Variants in FNDC3A observed in about 807,000 individuals in gnomAD.
The protein encoded by FNDC3A is fibronectin type-III domain-containing protein 3A.
A neutral mutation model predicts 148.9 loss-of-function variants in FNDC3A; 32 were observed. The ratio of observed to expected loss-of-function variants is 0.21; its 90% confidence interval spans 0.16 to 0.29. The LOEUF is 0.29. FNDC3A is among the 10% of genes least tolerant of loss of function. The pLI, the probability that FNDC3A is intolerant of heterozygous loss-of-function variation, is 1.00. For missense variants in FNDC3A, 1,191 were observed against 1,452.8 expected, an observed-to-expected ratio of 0.82 and a Z score of 2.93; for synonymous variants, 472 against 473.6, an observed-to-expected ratio of 1.00 and a Z score of 0.04.
intron 3 of FNDC3A, among the ~76,000 whole-genome samples, chr13:49,096,462 T>G (rs966614606): frequency 1.3e-5 from 2 of 152,168 alleles, no homozygotes; most frequent in African/African-American, 4.8e-5. Flanking sequence ...ATGTAATCCT[T>G]CGATATTTTT....
At chr13:48,991,656 C>G (rs1258728944) in intron 1 of FNDC3A, among the ~76,000 whole-genome samples, 2 of 151,608 alleles carry the variant, frequency 1.3e-5, no homozygotes, top group Non-Finnish European at 2.9e-5. Context: ...CCACTGCACT[C>G]CAGCCTGAGT....
At chr13:49,089,786 A>G (rs1879063869) in intron 3 of FNDC3A, among the ~76,000 whole-genome samples, 1 of 152,358 alleles carries the variant, frequency 6.6e-6, no homozygotes, top group South Asian at 2.1e-4. Context: ...GAAGCCAGTT[A>G]CACCATACCC....
rs527594811 is a variant in FNDC3A, at chr13:49,137,691, A to T, written c.761-1056A>T. ...TACTTGAATCAATCTCTATAAGGTA[A>T]AATATAGCTGGGTTAACAGCCTGTC... On this transcript the variant is annotated intron_variant, in intron 6 of 25. Coordinates refer to ENST00000492622, the MANE Select transcript of FNDC3A (RefSeq NM_001079673.2). Among the ~76,000 whole-genome samples, 67 of 152,268 alleles carry T rather than the reference A, an allele frequency of 4.4e-4. No homozygotes were observed. In the South Asian group the frequency reaches 0.014, roughly 32 times the overall value.
chr13:49,164,283 G>T (rs1456127279), intron 8 of FNDC3A, among the ~76,000 whole-genome samples: 3 of 152,170 alleles, frequency 2.0e-5, no homozygotes, highest in Non-Finnish European at 4.4e-5. Flanking sequence ...TCTTACAGGT[G>T]ACTAGATGCT....
chr13:49,209,729 ATATT>A lies in FNDC3A; in HGVS notation c.*2339_*2342del, dbSNP rs1169224590. 1.3e-5 allele frequency: 2 copies of A among 152,236 alleles called. No homozygotes were observed. The highest frequency in any genetic ancestry group is 4.8e-5 in the African/African-American group (2 of 41,448). 9.4% of individuals were successfully genotyped at this position (152,236 alleles called of 1,614,324 possible). A position where few individuals can be genotyped will look rare whatever the true frequency, so the allele number is the denominator to read the frequency against. On this transcript the variant is annotated 3_prime_UTR_variant, in exon 26 of 26. Transcript: ENST00000492622. ...ATAAATCTTCAACATGAGAGGATGT[ATATT>A]TATTATATAAAGCCCAGTAAAGAAT...
intron 2 of FNDC3A, among the ~76,000 whole-genome samples, chr13:49,032,666 G>T (rs1432356204): frequency 6.6e-6 from 1 of 152,130 alleles, no homozygotes; most frequent in East Asian, 1.9e-4. Context: ...AACCCGGGAG[G>T]CGGAGCTTGC....
chr13:49,186,605 C>T (rs745784002), intron 15 of FNDC3A, among the ~76,000 whole-genome samples: 6 of 152,138 alleles, frequency 3.9e-5, no homozygotes, highest in East Asian at 3.8e-4. Flanking sequence ...TGGTGGCTTA[C>T]GCCTGTAATC....
rs546625993 is a variant in FNDC3A, at chr13:48,999,907, A to G, written c.-39-6245A>G. Among the ~76,000 whole-genome samples the G allele has an allele frequency of 4.6e-5, 7 of 152,292 alleles. No homozygotes were observed. The South Asian group carries it at 1.4e-3, about 32-fold the overall frequency. On this transcript the variant is annotated intron_variant, in intron 1 of 25. Coordinates refer to ENST00000492622, the MANE Select transcript of FNDC3A (RefSeq NM_001079673.2). The stretch of plus-strand genomic sequence containing the variant: ...AAATTTGCCAGCATCTGGATCTTAA[A>G]CTTCCCAGCCTCCAGAAGTGTGACA...
chr13:49,204,261 AAG>A (rs1191080445), intron 25 of FNDC3A, among the ~76,000 whole-genome samples: 20 of 152,220 alleles, frequency 1.3e-4, no homozygotes, highest in Non-Finnish European at 2.8e-4. Context: ...AACTTTTAAA[AAG>A]AATAAGCTTT....
chr13:49,047,501 A>C (rs1875508495), intron 2 of FNDC3A, among the ~76,000 whole-genome samples: 1 of 152,108 alleles, frequency 6.6e-6, no homozygotes, highest in Admixed American at 6.6e-5. Context: ...TGCTGGAGTC[A>C]GTTGGTATTG....
intron 25 of FNDC3A, 74 bp from the exon 26 acceptor site, chr13:49,207,007 A>G: frequency 9.4e-7 from 1 of 1,064,804 alleles, no homozygotes; most frequent in Non-Finnish European, 1.4e-6. Context: ...AAACAATTCT[A>G]ACACTAGCCA....
intron 3 of FNDC3A, among the ~76,000 whole-genome samples, chr13:49,099,237 C>T (rs561597486): frequency 1.3e-5 from 2 of 152,220 alleles, no homozygotes; most frequent in African/African-American, 2.4e-5. Context: ...CAGCTTCCAC[C>T]TTGATCTCTA....
chr13:49,197,949 CTTTG>C (rs1886234957), intron 21 of FNDC3A, 29 bp from the exon 22 acceptor site: 2 of 1,597,990 alleles, frequency 1.3e-6, no homozygotes, highest in Non-Finnish European at 1.7e-6. Flanking sequence ...ATGGTCATGA[CTTTG>C]TTAACTCGGA....
chr13:49,168,769 G>C lies in FNDC3A; in HGVS notation c.1176+18G>C. The C allele has an allele frequency of 6.2e-7, 1 of 1,608,112 alleles. No homozygotes were observed. The highest frequency in any genetic ancestry group is 8.5e-7 in the Non-Finnish European group (1 of 1,176,424). On this transcript the variant is annotated intron_variant, in intron 10 of 25. Transcript: ENST00000492622. ...AATGGAAGGTAAGAATATTCTTTAG[G>C]GTGTTTCCAACTGGACATGTGTTTC...
rs1394929784 is a variant in FNDC3A, at chr13:49,207,743, TC to T, written c.*349del. On this transcript the variant is annotated 3_prime_UTR_variant, in exon 26 of 26. Coordinates refer to ENST00000492622, the MANE Select transcript of FNDC3A (RefSeq NM_001079673.2). The stretch of plus-strand genomic sequence containing the variant: ...CATGAGTGTAACAGTGATAACCTGA[TC>T]TGTTTGTTTTAAAGATTATTACCAA... 1 of 176,662 alleles carries T rather than the reference TC, an allele frequency of 5.7e-6. No individual in the cohort carries two copies. Among genetic ancestry groups the T allele is most frequent in the African/African-American group, 2.4e-5 (1 of 42,046 alleles). 10.9% of individuals were successfully genotyped at this position (176,662 alleles called of 1,614,324 possible).
At position 49,145,539 on chromosome 13, in the gene FNDC3A, G is replaced by A. The variant is rs373377735; in HGVS notation, c.820-239G>A. Among the ~76,000 whole-genome samples, 59 of 152,080 alleles carry A rather than the reference G, an allele frequency of 3.9e-4. No homozygotes were observed. The Middle Eastern group carries it at 0.01, about 26-fold the overall frequency. On this transcript the variant is annotated intron_variant, in intron 7 of 25. Transcript: ENST00000492622. ...ATCCCAGTTTTTTTCTTTTGACTAT[G>A]TATGGTGTCTACGCTAATAGTTTTG... is the stretch of plus-strand genomic sequence containing the variant.
chr13:49,178,255 C>T (rs1450415995), intron 13 of FNDC3A, among the ~76,000 whole-genome samples: 1 of 152,220 alleles, frequency 6.6e-6, no homozygotes, highest in African/African-American at 2.4e-5. Context: ...CTTGGGATAG[C>T]TTACTGATGG....
chr13:49,121,127 G>C (rs1406441308), intron 4 of FNDC3A, among the ~76,000 whole-genome samples: 1 of 152,112 alleles, frequency 6.6e-6, no homozygotes, highest in Non-Finnish European at 1.5e-5. Context: ...TAAAAGAACA[G>C]AAATTATAAC....
chr13:49,002,449 T>C (rs1416641253), intron 1 of FNDC3A, among the ~76,000 whole-genome samples: 1 of 152,192 alleles, frequency 6.6e-6, no homozygotes, highest in Non-Finnish European at 1.5e-5. Flanking sequence ...TTAAAAATAA[T>C]TTTTGAAGGA....
Sources: gnomAD v4.1 joint callset for allele counts (sites outside exome capture counted in the v4.1 genomes callset) on GRCh38, gnomAD v4.1.1 for gene constraint, MANE v1.5 for transcripts, NCBI Gene and HGNC (gene_info 2026-07-23, HGNC 2026-07-21) for gene names.